Variants in ARB2A observed in about 807,000 individuals in gnomAD.
The protein encoded by ARB2A is cotranscriptional regulator ARB2A.
At chr5:93,936,900 G>C in the ARB2A span, among the ~76,000 whole-genome samples, 1 of 146,998 alleles carries the variant, frequency 6.8e-6, no homozygotes, top group Non-Finnish European at 1.5e-5. Flanking sequence ...TTCATTAATA[G>C]TTTTAACCAC....
the ARB2A span, chr5:93,805,209 G>C: frequency 3.0e-6 from 3 of 984,870 alleles, no homozygotes; most frequent in African/African-American, 5.2e-5. Flanking sequence ...TGAGAACGGG[G>C]TTGAAATCAC....
the ARB2A span, among the ~76,000 whole-genome samples, chr5:93,815,017 A>T: frequency 6.6e-6 from 1 of 151,808 alleles, no homozygotes; most frequent in Non-Finnish European, 1.5e-5. Flanking sequence ...TTTTTAAAAA[A>T]ATTTTTGTAC....
the ARB2A span, among the ~76,000 whole-genome samples, chr5:93,896,093 C>A: frequency 2.0e-5 from 3 of 151,882 alleles, no homozygotes; most frequent in African/African-American, 7.3e-5. Context: ...CAATACTATT[C>A]AATAAGAAAT....
chr5:93,769,596 G>C, the ARB2A span, among the ~76,000 whole-genome samples: 1 of 152,066 alleles, frequency 6.6e-6, no homozygotes, highest in African/African-American at 2.4e-5. Flanking sequence ...TGGGGGTGCT[G>C]GTCCTAACTC....
chr5:93,770,791 A>G, the ARB2A span, among the ~76,000 whole-genome samples: 7 of 152,320 alleles, frequency 4.6e-5, no homozygotes, highest in South Asian at 1.4e-3. Context: ...ACACTGCTCA[A>G]TGAAATAAAA....
At chr5:93,678,749 TC>T in the ARB2A span, among the ~76,000 whole-genome samples, 1 of 151,090 alleles carries the variant, frequency 6.6e-6, no homozygotes, top group African/African-American at 2.4e-5. Context: ...GAGCAAGACT[TC>T]GTCTAAAAAA....
chr5:93,705,413 T>C, the ARB2A span, among the ~76,000 whole-genome samples: 1 of 152,140 alleles, frequency 6.6e-6, no homozygotes, highest in African/African-American at 2.4e-5. Context: ...TTGGCACAGA[T>C]TTTAACGGAG....
the ARB2A span, among the ~76,000 whole-genome samples, chr5:93,889,546 A>G: frequency 6.6e-6 from 1 of 151,904 alleles, no homozygotes; most frequent in Non-Finnish European, 1.5e-5. Context: ...TATGCAAAAC[A>G]TGATGTCACT....
the ARB2A span, among the ~76,000 whole-genome samples, chr5:93,990,600 C>A: frequency 8.5e-6 from 1 of 117,252 alleles, no homozygotes; most frequent in Non-Finnish European, 1.6e-5. Context: ...TTTCTCCAAT[C>A]TTCCTGTTTC....
the ARB2A span, among the ~76,000 whole-genome samples, chr5:93,721,914 C>T: frequency 6.6e-6 from 1 of 151,974 alleles, no homozygotes; most frequent in East Asian, 1.9e-4. Context: ...GCATTGTTTC[C>T]CTATTAATTT....
the ARB2A span, among the ~76,000 whole-genome samples, chr5:94,001,811 G>C: frequency 6.6e-6 from 1 of 152,136 alleles, no homozygotes; most frequent in Admixed American, 6.5e-5. Context: ...ATCTCGGTCT[G>C]ATGCTTGCTA....
the ARB2A span, among the ~76,000 whole-genome samples, chr5:94,099,114 C>T: frequency 6.6e-6 from 1 of 152,126 alleles, no homozygotes; most frequent in African/African-American, 2.4e-5. Flanking sequence ...AGGACTTCTC[C>T]CCAACTCATT....
the ARB2A span, among the ~76,000 whole-genome samples, chr5:93,959,333 A>G: frequency 1.3e-5 from 2 of 152,030 alleles, no homozygotes; most frequent in African/African-American, 2.4e-5. Context: ...ATCTCATTCA[A>G]TAACAACCCA....
chr5:93,879,531 CAAAAG>C, the ARB2A span, among the ~76,000 whole-genome samples: 1 of 150,958 alleles, frequency 6.6e-6, no homozygotes, highest in Non-Finnish European at 1.5e-5. Context: ...AAAAAGAAAA[CAAAAG>C]GAAAGAGAGC....
At chr5:93,859,149 G>A in the ARB2A span, among the ~76,000 whole-genome samples, 2 of 152,106 alleles carry the variant, frequency 1.3e-5, no homozygotes, top group Non-Finnish European at 2.9e-5. Flanking sequence ...AGTGAAAAAA[G>A]AATGTATTAT....
At chr5:93,705,971 A>G in the ARB2A span, among the ~76,000 whole-genome samples, 5 of 152,304 alleles carry the variant, frequency 3.3e-5, no homozygotes, top group South Asian at 1.0e-3. Context: ...ATATGGCTAG[A>G]AAAACAGATT....
the ARB2A span, among the ~76,000 whole-genome samples, chr5:93,844,782 A>C: frequency 6.6e-6 from 1 of 152,230 alleles, no homozygotes; most frequent in Non-Finnish European, 1.5e-5. Context: ...AGTTGTTATC[A>C]CCAAGACCCT....
the ARB2A span, among the ~76,000 whole-genome samples, chr5:93,824,744 C>T: frequency 6.6e-6 from 1 of 152,206 alleles, no homozygotes; most frequent in Non-Finnish European, 1.5e-5. Flanking sequence ...GAAACTCCTG[C>T]AAAATTACCC....
the ARB2A span, chr5:93,860,652 T>C: frequency 7.0e-6 from 1 of 142,162 alleles, no homozygotes; most frequent in Admixed American, 7.0e-5. Context: ...TTTCTTTCTT[T>C]TTTTTTTTCT....
Sources: gnomAD v4.1 joint callset for allele counts (sites outside exome capture counted in the v4.1 genomes callset) on GRCh38, gnomAD v4.1.1 for gene constraint, MANE v1.5 for transcripts, NCBI Gene and HGNC (gene_info 2026-07-23, HGNC 2026-07-21) for gene names.